NCOR1: variants seen among roughly 807,000 people sequenced by gnomAD.
NCOR1 encodes the protein protein phosphatase 1, regulatory subunit 109.
Under a neutral mutation model 288.1 loss-of-function variants are expected in NCOR1, and 63 were observed. The observed-to-expected ratio is 0.22, with a 90% CI of 0.18 to 0.27. The LOEUF is 0.27. NCOR1 is among the 10% of genes least tolerant of loss of function. NCOR1 has a pLI of 1.00. For synonymous variants in NCOR1, 1,007 were observed against 1,065.9 expected (o/e 0.94, Z 1.08); for missense variants, 2,397 against 3,019.2 (o/e 0.79, Z 4.83).
intron 17 of NCOR1, among the ~76,000 whole-genome samples, chr17:16,119,184 T>C (rs2072443484): frequency 6.6e-6 from 1 of 152,142 alleles, no homozygotes; most frequent in Non-Finnish European, 1.5e-5. Flanking sequence ...ACATTCAAAA[T>C]AAAACTGCAG....
At chr17:16,127,294 T>C (rs1006018933) in intron 14 of NCOR1, among the ~76,000 whole-genome samples, 1 of 103,794 alleles carries the variant, frequency 9.6e-6, no homozygotes, top group Non-Finnish European at 2.1e-5. Context: ...TGTATATATG[T>C]ATGTATGTAT....
intron 44 of NCOR1, among the ~76,000 whole-genome samples, chr17:16,038,244 A>G (rs1216248502): frequency 6.6e-6 from 1 of 152,224 alleles, no homozygotes; most frequent in Non-Finnish European, 1.5e-5. Flanking sequence ...AAAAGGTTGT[A>G]AGATTAAAGC....
At chr17:16,154,679 G>A (rs1294662418) in intron 6 of NCOR1, among the ~76,000 whole-genome samples, 1 of 152,178 alleles carries the variant, frequency 6.6e-6, no homozygotes, top group Non-Finnish European at 1.5e-5. Context: ...CATCAATAAA[G>A]GCTTCGGCTA....
intron 7 of NCOR1, 32 bp from the exon 8 acceptor site, chr17:16,152,030 A>G (rs1337280683): frequency 9.8e-6 from 14 of 1,427,128 alleles, no homozygotes; most frequent in Non-Finnish European, 1.4e-5. Context: ...TATGTATAAA[A>G]TGTTGTACAT....
intron 21 of NCOR1, among the ~76,000 whole-genome samples, chr17:16,093,267 CTAAT>C (rs2065738525): frequency 1.3e-5 from 2 of 152,194 alleles, no homozygotes; most frequent in South Asian, 4.1e-4. Context: ...CCATCCTTGA[CTAAT>C]TAATCTCCTC....
chr17:16,208,308 T>C (rs923236554), intron 1 of NCOR1, among the ~76,000 whole-genome samples: 1 of 149,254 alleles, frequency 6.7e-6, no homozygotes, highest in Non-Finnish European at 1.5e-5. Flanking sequence ...TCCACCTGCC[T>C]TGGCCTCCCA....
chr17:16,208,891 G>A (rs1325829714), intron 1 of NCOR1, among the ~76,000 whole-genome samples: 2 of 152,022 alleles, frequency 1.3e-5, no homozygotes, highest in African/African-American at 4.8e-5. Context: ...AGCTATGTTA[G>A]TCACTGACAT....
intron 21 of NCOR1, among the ~76,000 whole-genome samples, chr17:16,095,165 T>C (rs1056016550): frequency 1.4e-5 from 2 of 145,314 alleles, no homozygotes; most frequent in East Asian, 2.1e-4. Context: ...GTGAGGAACG[T>C]CTCTGCCCGG....
At chr17:16,186,528 TAGA>T (rs2086714875) in intron 3 of NCOR1, 23 bp downstream of exon 3, 1 of 1,602,268 alleles carries the variant, frequency 6.2e-7, no homozygotes, top group Non-Finnish European at 8.5e-7. Context: ...TAATCCTAGA[TAGA>T]AACATAAAAG....
chr17:16,191,949 A>G (rs1334180208), intron 2 of NCOR1: 1 of 151,418 alleles, frequency 6.6e-6, no homozygotes, highest in African/African-American at 2.4e-5. Context: ...AGATGTCTAC[A>G]CTAAGTTCAG....
intron 1 of NCOR1, among the ~76,000 whole-genome samples, chr17:16,205,735 C>G (rs1366835711): frequency 6.6e-6 from 1 of 151,296 alleles, no homozygotes; most frequent in Admixed American, 6.6e-5. Flanking sequence ...GTCGAGAGTT[C>G]GAGACCAGCC....
intron 26 of NCOR1, among the ~76,000 whole-genome samples, chr17:16,078,473 G>A (rs1465164585): frequency 6.6e-6 from 1 of 152,218 alleles, no homozygotes; most frequent in Non-Finnish European, 1.5e-5. Context: ...GGATGCCAGA[G>A]TGAAGAGAAA....
At chr17:16,040,311 ATTAT>A (rs996604604) in intron 43 of NCOR1, 126 bp downstream of exon 43, 34 of 799,622 alleles carry the variant, frequency 4.3e-5, no homozygotes, top group African/African-American at 1.5e-4. Flanking sequence ...CCTTCACTAA[ATTAT>A]TTATTTATTT....
At chr17:16,075,468 A>G (rs1314629373) in intron 27 of NCOR1, 66 bp downstream of exon 27, 2 of 1,544,716 alleles carry the variant, frequency 1.3e-6, no homozygotes, top group Non-Finnish European at 1.8e-6. Context: ...AAATGCGGGA[A>G]AACCCAAGCC....
chr17:16,078,574 T>C (rs568547824), intron 26 of NCOR1, among the ~76,000 whole-genome samples: 44 of 125,880 alleles, frequency 3.5e-4, no homozygotes, highest in African/African-American at 1.3e-3. Context: ...CCAATATAAA[T>C]GGAGACTTTT....
intron 18 of NCOR1, among the ~76,000 whole-genome samples, chr17:16,114,134 G>T (rs1598821399): frequency 8.0e-6 from 1 of 124,304 alleles, no homozygotes; most frequent in Non-Finnish European, 1.7e-5. Flanking sequence ...CTTACATGAT[G>T]GCGGCAGGCA....
intron 26 of NCOR1, among the ~76,000 whole-genome samples, chr17:16,078,509 T>C (rs2062877763): frequency 6.6e-6 from 1 of 152,202 alleles, no homozygotes; most frequent in Admixed American, 6.5e-5. Flanking sequence ...GCCCATTTAC[T>C]TTCCTCTGTC....
intron 14 of NCOR1, among the ~76,000 whole-genome samples, chr17:16,128,635 TC>T (rs2075125245): frequency 6.6e-6 from 1 of 152,252 alleles, no homozygotes; most frequent in Admixed American, 6.5e-5. Context: ...TTCATTCTGA[TC>T]CAGGCTAATG....
At chr17:16,037,727 C>T (rs766889949) in intron 44 of NCOR1, among the ~76,000 whole-genome samples, 1 of 152,250 alleles carries the variant, frequency 6.6e-6, no homozygotes, top group Non-Finnish European at 1.5e-5. Context: ...CATGCTACTA[C>T]AGGACTTGAG....
Sources: allele counts gnomAD v4.1 joint callset (sites outside exome capture counted in the v4.1 genomes callset), GRCh38; gene constraint gnomAD v4.1.1; transcripts MANE v1.5; gene names NCBI Gene and HGNC (gene_info 2026-07-23, HGNC 2026-07-21).